Variants in CFAP57 observed in about 807,000 individuals in gnomAD.
CFAP57 encodes cilia and flagella associated protein 57, also known as cilia- and flagella-associated protein 57.
CFAP57 carries 116 observed loss-of-function variants against 146.8 expected under a neutral mutation model. That is an observed-to-expected ratio of 0.79 (90% CI 0.68 to 0.92). CFAP57 has a LOEUF of 0.92. Among genes scored for constraint, CFAP57 ranks in the 40% least tolerant of loss-of-function variants. The pLI is 0.00. For missense variants in CFAP57, 1,377 were observed against 1,527.2 expected, an observed-to-expected ratio of 0.90 and a Z score of 1.64; for synonymous variants, 518 against 552.8, an observed-to-expected ratio of 0.94 and a Z score of 0.88.
chr1:43,210,034 C>T (rs1448699184), intron 11 of CFAP57, 118 bp downstream of exon 11: 2 of 1,613,802 alleles, frequency 1.2e-6, no homozygotes, highest in Non-Finnish European at 1.7e-6. Flanking sequence ...TTTATTCATC[C>T]ATCATTCATT....
intron 2 of CFAP57, among the ~76,000 whole-genome samples, chr1:43,176,252 C>T (rs1645167639): frequency 6.6e-6 from 1 of 152,112 alleles, no homozygotes; most frequent in African/African-American, 2.4e-5. Flanking sequence ...GTACCTGCAA[C>T]GTGATCTAGA....
At chr1:43,225,154 G>C (rs555541264) in intron 17 of CFAP57, among the ~76,000 whole-genome samples, 2 of 152,058 alleles carry the variant, frequency 1.3e-5, no homozygotes, top group African/African-American at 4.8e-5. Context: ...AGAGACAAAG[G>C]CCTCCTCACC....
At chr1:43,253,904 G>A (rs773392582) in intron 22 of CFAP57, 73 bp from the exon 23 acceptor site, 42 of 1,330,494 alleles carry the variant, frequency 3.2e-5, no homozygotes, top group Non-Finnish European at 4.4e-5. Flanking sequence ...AGGAAGCAGG[G>A]AGGGAGGAGG....
intron 1 of CFAP57, 110 bp downstream of exon 1, chr1:43,172,563 G>GGAGGAGGGGAAA (rs1645006834): frequency 7.8e-6 from 6 of 769,750 alleles, no homozygotes; most frequent in South Asian, 1.7e-5. Flanking sequence ...GGAGGACCCC[G>GGAGGAGGGGAAA]GGGGAGGGGA....
At chr1:43,189,357 A>G (rs1270323006) in intron 6 of CFAP57, among the ~76,000 whole-genome samples, 1 of 152,278 alleles carries the variant, frequency 6.6e-6, no homozygotes, top group African/African-American at 2.4e-5. Flanking sequence ...AACAATACTA[A>G]GCCTTCCAAT....
At chr1:43,173,209 C>T (rs1325136194) in intron 2 of CFAP57, among the ~76,000 whole-genome samples, 2 of 152,174 alleles carry the variant, frequency 1.3e-5, no homozygotes, top group Non-Finnish European at 2.9e-5. Flanking sequence ...TTGTCATCAC[C>T]AGAGCCACTT....
chr1:43,235,424 C>G (rs1645649577), intron 21 of CFAP57, among the ~76,000 whole-genome samples: 1 of 152,180 alleles, frequency 6.6e-6, no homozygotes, highest in African/African-American at 2.4e-5. Context: ...AAAGCACGTA[C>G]CTTTTTATGT....
intron 9 of CFAP57, among the ~76,000 whole-genome samples, chr1:43,203,687 T>G (rs1644232967): frequency 6.6e-6 from 1 of 152,050 alleles, no homozygotes; most frequent in African/African-American, 2.4e-5. Flanking sequence ...TCTCGATCTC[T>G]TCACCTCATG....
chr1:43,234,507 G>A lies in CFAP57; in HGVS notation c.3274G>A (p.Gly1092Arg), dbSNP rs1455253605. Residue 1092 changes from glycine to arginine, a missense_variant, in exon 21 of 23, where the codon GGG (glycine) becomes AGG (arginine). Gly to Arg is a moderately radical substitution (Grantham distance 125). Transcript: ENST00000372492. Reference protein sequence around the residue: ...VQRADMVEIAGLNTDLQQEYT... With the variant: ...VQRADMVEIARLNTDLQQEYT... ...TGGGCCCCGTCAGGTGGAGATCGCA[G>A]GGCTGAACACAGACCTGCAGCAGGA... is the stretch of plus-strand genomic sequence containing the variant. 5 of 1,549,626 alleles carry A rather than the reference G, an allele frequency of 3.2e-6. No individual in the cohort carries two copies. The East Asian group carries it at 9.8e-5, about 30-fold the overall frequency.
At chr1:43,211,621 ATGCATTTCCTTC>A (rs1163491162) in intron 11 of CFAP57, 1 of 149,908 alleles carries the variant, frequency 6.7e-6, no homozygotes, top group African/African-American at 2.4e-5. Context: ...CATTTCTTTG[ATGCATTTCCTTC>A]TACATTTCCA....
chr1:43,186,558 C>T (rs1643113638), intron 5 of CFAP57, 149 bp from the exon 6 acceptor site: 4 of 772,428 alleles, frequency 5.2e-6, no homozygotes, highest in Non-Finnish European at 7.9e-6. Context: ...TTGCAGTGAG[C>T]TGAGATAGTG....
chr1:43,234,712 T>C (rs1398778417), intron 21 of CFAP57, 74 bp downstream of exon 21: 2 of 1,470,716 alleles, frequency 1.4e-6, no homozygotes, highest in Admixed American at 2.3e-5. Flanking sequence ...AGGGTCCCTC[T>C]GAGACCACCT....
At chr1:43,188,015 G>A (rs780758150) in intron 6 of CFAP57, among the ~76,000 whole-genome samples, 3 of 152,006 alleles carry the variant, frequency 2.0e-5, no homozygotes, top group Non-Finnish European at 4.4e-5. Context: ...TGTTTCCCAG[G>A]CTGGTCTTGA....
Position 43,232,576 on chromosome 1 carries a change from G to A in CFAP57, c.3078G>A (p.Trp1026Ter). ...TQLELNITEL[W>*]QKLRATDQEM... ...TGGAGCTGAACATCACAGAATTGTG[G>A]CAGAAACTGAGAGCCACCGATCAGG... Residue 1026 changes from tryptophan (W) to a stop codon, truncating the protein, a stop_gained, in exon 19 of 23, where the codon TGG (tryptophan) becomes TGA (stop). Coordinates refer to ENST00000372492, the MANE Select transcript of CFAP57 (RefSeq NM_001378189.1). LOFTEE classifies it high-confidence loss of function. 1 of 1,549,440 alleles carries A rather than the reference G, an allele frequency of 6.5e-7. No individual in the cohort carries two copies. The highest frequency in any genetic ancestry group is 1.4e-5 in the African/African-American group (1 of 73,140).
Position 43,253,963 on chromosome 1 carries a change from G to A in CFAP57, c.3539-14G>A, listed in dbSNP as rs751770923. 114 of 1,550,148 alleles carry A rather than the reference G, an allele frequency of 7.4e-5. No individual in the cohort carries two copies. The highest frequency in any genetic ancestry group is 9.8e-5 in the Admixed American group (5 of 50,994). On this transcript the variant is annotated splice_polypyrimidine_tract_variant and intron_variant, in intron 22 of 22. Transcript: ENST00000372492. ...CAATGGACAGGCCCACATGAGTCCT[G>A]TTGTCTCTTACAGAACCCAGCAGGG... is the stretch of plus-strand genomic sequence containing the variant.
chr1:43,208,838 G>A (rs891631317), intron 10 of CFAP57, among the ~76,000 whole-genome samples: 1 of 150,518 alleles, frequency 6.6e-6, no homozygotes, highest in Non-Finnish European at 1.5e-5. Flanking sequence ...GTAGGTGGGT[G>A]GGTGAATGAG....
chr1:43,211,318 G>A (rs1038481432), intron 11 of CFAP57: 2 of 152,146 alleles, frequency 1.3e-5, no homozygotes, highest in African/African-American at 2.4e-5. Context: ...GCTCACGCCT[G>A]TAATCCTAGC....
At position 43,172,417 on chromosome 1, in the gene CFAP57, T is replaced by C. The variant is rs781669513; in HGVS notation, c.-56T>C. ...GATCCCTACAGGTAGCGCCTCTGGA[T>C]ACATGCGTGGTCTGCTGACCCAGAG... On this transcript the variant is annotated 5_prime_UTR_variant, in exon 1 of 23. Coordinates refer to ENST00000372492, the MANE Select transcript of CFAP57 (RefSeq NM_001378189.1). 3.2e-5 allele frequency: 49 copies of C among 1,551,340 alleles called. No homozygotes were observed. The highest frequency in any genetic ancestry group is 4.3e-5 in the Non-Finnish European group (49 of 1,146,932).
Position 43,199,452 on chromosome 1 carries a change from C to T in CFAP57, c.1491C>T (p.Tyr497=). The change falls in exon 9 of 23, where the codon TAC becomes TAT. Residue 497 remains tyrosine (Y), a synonymous_variant. Transcript: ENST00000372492. ...AAVNGNVIHV[Y]TTTSLENISS... ...TCAATGGAAATGTGATTCACGTTTACACCACCACGAGCCTAGAGAACATCT... is the reference window on the plus strand; with the variant it reads ...TCAATGGAAATGTGATTCACGTTTATACCACCACGAGCCTAGAGAACATCT... The T allele has an allele frequency of 6.2e-7, 1 of 1,614,152 alleles. No homozygotes were observed. Among genetic ancestry groups the T allele is most frequent in the Non-Finnish European group, 8.5e-7 (1 of 1,180,032 alleles).
Sources: gnomAD v4.1 joint callset for allele counts (sites outside exome capture counted in the v4.1 genomes callset) on GRCh38, gnomAD v4.1.1 for gene constraint, MANE v1.5 for transcripts, NCBI Gene and HGNC (gene_info 2026-07-23, HGNC 2026-07-21) for gene names.